Variants in NHS observed in about 807,000 individuals in gnomAD.
The protein encoded by NHS is NHS actin remodeling regulator.
NHS carries 5 observed loss-of-function variants against 72.5 expected under a neutral mutation model. The ratio of observed to expected loss-of-function variants is 0.07; its 90% confidence interval spans 0.04 to 0.14. NHS has a LOEUF of 0.14. Ranked by LOEUF, NHS falls within the 10% of genes least tolerant of loss-of-function variation. The pLI, the probability that NHS is intolerant of heterozygous loss-of-function variation, is 1.00. For missense variants in NHS, 1,072 were observed against 1,355.7 expected (o/e 0.79, Z 3.29); for synonymous variants, 464 against 547.7 (o/e 0.85, Z 2.13).
At chrX:17,524,332 A>G (rs1381986257) in intron 1 of NHS, among the ~76,000 whole-genome samples, 3 of 112,022 alleles carry the variant, frequency 2.7e-5, no homozygotes, top group Non-Finnish European at 5.6e-5. Flanking sequence ...CAAGAATGAG[A>G]ATATTCTCTT....
chrX:17,628,134 C>T (rs192413828), intron 1 of NHS, among the ~76,000 whole-genome samples: 30 of 112,631 alleles, frequency 2.7e-4, no homozygotes, highest in Non-Finnish European at 5.6e-5. Flanking sequence ...ACTCCTTCTC[C>T]CAAAATGTCT....
intron 1 of NHS, among the ~76,000 whole-genome samples, chrX:17,644,233 T>C (rs1269496573): frequency 9.0e-6 from 1 of 111,690 alleles, no homozygotes; most frequent in Non-Finnish European, 1.9e-5. Context: ...ACTCTTGGAT[T>C]CAATATCTTT....
At chrX:17,498,946 TG>T (rs2065025630) in intron 1 of NHS, among the ~76,000 whole-genome samples, 1 of 111,956 alleles carries the variant, frequency 8.9e-6, no homozygotes, top group African/African-American at 3.3e-5. Context: ...TAAAAATTGA[TG>T]GGGTTACAAT....
intron 1 of NHS, among the ~76,000 whole-genome samples, chrX:17,537,329 A>G (rs1291870842): frequency 1.8e-5 from 2 of 112,290 alleles, no homozygotes; most frequent in Admixed American, 1.9e-4. Context: ...TCCTGTGATT[A>G]AAGGTTTAAA....
chrX:17,661,293 T>A (rs1048386568), intron 1 of NHS, among the ~76,000 whole-genome samples: 1 of 111,497 alleles, frequency 9.0e-6, no homozygotes, highest in African/African-American at 3.3e-5. Context: ...CTGGGATACA[T>A]GTGCAGAACG....
chrX:17,719,042 G>GAGGGAAGGAAGGA (rs1029237177), intron 3 of NHS, among the ~76,000 whole-genome samples: 1 of 95,223 alleles, frequency 1.1e-5, no homozygotes, highest in South Asian at 5.9e-4. Context: ...AAGAAGGAGG[G>GAGGGAAGGAAGGA]AGGGAAGGAA....
chrX:17,396,929 C>T (rs1301012073), intron 1 of NHS, among the ~76,000 whole-genome samples: 1 of 111,917 alleles, frequency 8.9e-6, no homozygotes, highest in Non-Finnish European at 1.9e-5. Context: ...ATCCAGATTG[C>T]ATTTTTTTTC....
chrX:17,524,212 A>G (rs1408040481), intron 1 of NHS, among the ~76,000 whole-genome samples: 1 of 111,913 alleles, frequency 8.9e-6, no homozygotes, highest in African/African-American at 3.3e-5. Context: ...TGTTGCATTT[A>G]TCCCTTCTCT....
At chrX:17,561,180 A>G (rs937034622) in intron 1 of NHS, among the ~76,000 whole-genome samples, 3 of 112,449 alleles carry the variant, frequency 2.7e-5, no homozygotes, top group African/African-American at 9.7e-5. Context: ...ATCTTGTTCT[A>G]AGTTCCCTCG....
intron 1 of NHS, among the ~76,000 whole-genome samples, chrX:17,585,711 A>G (rs2065571332): frequency 9.3e-6 from 1 of 108,091 alleles, no homozygotes; most frequent in Admixed American, 9.9e-5. Context: ...CAGGGATATC[A>G]TGGGGGATTT....
intron 1 of NHS, among the ~76,000 whole-genome samples, chrX:17,559,133 G>T (rs1237666359): frequency 8.9e-6 from 1 of 112,000 alleles, no homozygotes; most frequent in Admixed American, 9.5e-5. Context: ...CTCCCTGAGA[G>T]GGCTGTTCCA....
At chrX:17,669,993 AGC>A (rs759402344) in intron 1 of NHS, among the ~76,000 whole-genome samples, 20 of 111,964 alleles carry the variant, frequency 1.8e-4, no homozygotes, top group Admixed American at 1.2e-3. Context: ...TTGCCTGGGC[AGC>A]CCCAGTAGAT....
intron 3 of NHS, among the ~76,000 whole-genome samples, chrX:17,712,253 GTATATATATA>G (rs1216194040): frequency 0.084 from 4,199 of 50,148 alleles, 422 homozygotes; most frequent in African/African-American, 0.26. Context: ...TTGTGTGTGT[GTATATATATA>G]TATATATATA....
chrX:17,556,990 A>C (rs868460168), intron 1 of NHS, among the ~76,000 whole-genome samples: 1 of 102,536 alleles, frequency 9.8e-6, no homozygotes, highest in Admixed American at 1.0e-4. Context: ...ATATATATCT[A>C]TATATATATA....
intron 1 of NHS, among the ~76,000 whole-genome samples, chrX:17,385,275 A>T (rs2064400543): frequency 8.9e-6 from 1 of 111,968 alleles, no homozygotes; most frequent in Admixed American, 9.5e-5. Context: ...TAATTCTGGG[A>T]GGCCAAGGTG....
intron 1 of NHS, among the ~76,000 whole-genome samples, chrX:17,448,270 C>A (rs755801966): frequency 1.8e-5 from 2 of 112,127 alleles, no homozygotes; most frequent in Non-Finnish European, 3.8e-5. Context: ...CCTTTAGAGC[C>A]AAGGACATCT....
chrX:17,561,616 ACAC>A (rs1170488336), intron 1 of NHS, among the ~76,000 whole-genome samples: 2 of 101,911 alleles, frequency 2.0e-5, no homozygotes, highest in African/African-American at 7.0e-5. Context: ...ACACACACAC[ACAC>A]ATCATGCCTT....
At chrX:17,653,268 A>T (rs1032581653) in intron 1 of NHS, among the ~76,000 whole-genome samples, 1 of 111,597 alleles carries the variant, frequency 9.0e-6, no homozygotes, top group African/African-American at 3.3e-5. Flanking sequence ...TCTTATTTTC[A>T]TTTTACAAAT....
At chrX:17,464,819 A>G (rs2064863892) in intron 1 of NHS, among the ~76,000 whole-genome samples, 1 of 111,831 alleles carries the variant, frequency 8.9e-6, no homozygotes, top group South Asian at 3.7e-4. Context: ...CAGATGCCTC[A>G]TGTCCCCATA....
Sources: allele counts gnomAD v4.1 joint callset (sites outside exome capture counted in the v4.1 genomes callset), GRCh38; gene constraint gnomAD v4.1.1; transcripts MANE v1.5; gene names NCBI Gene and HGNC (gene_info 2026-07-23, HGNC 2026-07-21).